OXSR1: variants seen among roughly 807,000 people sequenced by gnomAD.
OXSR1 encodes serine/threonine-protein kinase OSR1.
OXSR1 carries 24 observed loss-of-function variants against 79.8 expected under a neutral mutation model. That is an observed-to-expected ratio of 0.30 (90% CI 0.22 to 0.42). OXSR1 has a LOEUF of 0.42. Among genes scored for constraint, OXSR1 ranks in the 10% least tolerant of loss-of-function variants. OXSR1 has a pLI of 1.00. For synonymous variants in OXSR1, 226 were observed against 209.2 expected (o/e 1.08, Z -0.69); for missense variants, 430 against 618.4 (o/e 0.70, Z 3.23).
At chr3:38,225,628 C>T (rs1297031382) in intron 8 of OXSR1, among the ~76,000 whole-genome samples, 4 of 151,578 alleles carry the variant, frequency 2.6e-5, no homozygotes, top group South Asian at 2.1e-4. Context: ...TTTCTTTTAT[C>T]AAATTAGTTG....
chr3:38,175,779 G>A (rs1044814869), intron 1 of OXSR1, among the ~76,000 whole-genome samples: 2 of 152,222 alleles, frequency 1.3e-5, no homozygotes, highest in Admixed American at 6.5e-5. Context: ...ATTCTGCTGT[G>A]TGACGTAGGC....
At position 38,165,921 on chromosome 3, in the gene OXSR1, C is replaced by T. The variant is rs759376560; in HGVS notation, c.45C>T (p.Asp15=). The T allele has an allele frequency of 3.1e-6, 5 of 1,611,548 alleles. No homozygotes were observed. Among genetic ancestry groups the T allele is most frequent in the South Asian group, 2.2e-5 (2 of 90,924 alleles). ...CCCTGCCCTGGTCCATCAACAGGGA[C>T]GATTACGAGCTGCAGGAGGTGATCG... ...SSALPWSINR[D]DYELQEVIGS... The change falls in exon 1 of 18, where the codon GAC becomes GAT. Residue 15 remains aspartate (D), a synonymous_variant. Coordinates refer to ENST00000311806, the MANE Select transcript of OXSR1 (RefSeq NM_005109.3).
intron 8 of OXSR1, among the ~76,000 whole-genome samples, chr3:38,228,990 T>C (rs1702751307): frequency 6.6e-6 from 1 of 152,176 alleles, no homozygotes; most frequent in Admixed American, 6.5e-5. Context: ...CAGGATCAGG[T>C]AGGTGTGTGG....
chr3:38,204,779 G>C (rs1016778214), intron 4 of OXSR1, among the ~76,000 whole-genome samples: 4 of 151,828 alleles, frequency 2.6e-5, no homozygotes, highest in African/African-American at 4.8e-5. Flanking sequence ...TGCCTGGGGT[G>C]GGGGGAAGGG....
intron 11 of OXSR1, among the ~76,000 whole-genome samples, chr3:38,240,333 A>T (rs1380343288): frequency 6.6e-6 from 1 of 152,184 alleles, no homozygotes; most frequent in Non-Finnish European, 1.5e-5. Flanking sequence ...GATTCTCACT[A>T]TAGAAGAAGA....
At chr3:38,193,773 G>C (rs1251348100) in intron 3 of OXSR1, among the ~76,000 whole-genome samples, 1 of 151,912 alleles carries the variant, frequency 6.6e-6, no homozygotes, top group Non-Finnish European at 1.5e-5. Context: ...AATTTTTCTA[G>C]CCTAGCACTC....
intron 3 of OXSR1, among the ~76,000 whole-genome samples, chr3:38,192,307 C>T (rs757024626): frequency 6.6e-6 from 1 of 152,038 alleles, no homozygotes; most frequent in Non-Finnish European, 1.5e-5. Context: ...TCAAGATTCC[C>T]GAGGGTTATA....
chr3:38,173,595 A>C (rs1211772875), intron 1 of OXSR1, among the ~76,000 whole-genome samples: 2 of 152,254 alleles, frequency 1.3e-5, no homozygotes, highest in East Asian at 1.9e-4. Flanking sequence ...TGGCACACAG[A>C]ATGGATGCTC....
intron 1 of OXSR1, 32 bp downstream of exon 1, chr3:38,165,978 C>T (rs778973247): frequency 3.6e-5 from 57 of 1,588,174 alleles, no homozygotes; most frequent in Non-Finnish European, 4.8e-5. Context: ...GGGGGAGGCG[C>T]GGCGCTGGGA....
intron 12 of OXSR1, among the ~76,000 whole-genome samples, chr3:38,245,195 G>T (rs982655290): frequency 1.3e-5 from 2 of 151,956 alleles, no homozygotes; most frequent in African/African-American, 4.8e-5. Flanking sequence ...TATTCAGCCT[G>T]TACTATTACT....
At chr3:38,165,530 A>C (rs1559494894), upstream of OXSR1, 2 of 263,256 alleles carry the variant, frequency 7.6e-6, no homozygotes, top group Non-Finnish European at 1.5e-5. Context: ...GGAAGAGGGG[A>C]AAGTTTGGCC....
chr3:38,194,143 G>GT (rs1416492049), intron 3 of OXSR1, among the ~76,000 whole-genome samples: 1 of 152,160 alleles, frequency 6.6e-6, no homozygotes, highest in Non-Finnish European at 1.5e-5. Context: ...TCTTGCTCTT[G>GT]TGGGCTATGG....
rs1360821689 is a variant in OXSR1 at position 38,222,489 on chromosome 3, A to G, written c.600+802A>G. Among the ~76,000 whole-genome samples, 4 of 152,282 alleles carry G rather than the reference A, an allele frequency of 2.6e-5. No homozygotes were observed. In the East Asian group the frequency reaches 5.8e-4, roughly 22 times the overall value. ...TAGGAGACATTATCTGCAAGAGCAG[A>G]GTGGGGAGGGGAACTTCTGCTTAGG... On this transcript the variant is annotated intron_variant, in intron 6 of 17. Coordinates refer to ENST00000311806, the MANE Select transcript of OXSR1 (RefSeq NM_005109.3).
intron 2 of OXSR1, among the ~76,000 whole-genome samples, chr3:38,186,364 A>G (rs1212155328): frequency 6.6e-6 from 1 of 152,186 alleles, no homozygotes; most frequent in Admixed American, 6.5e-5. Flanking sequence ...TCTACCCTTT[A>G]AAAATATATA....
At chr3:38,192,662 T>A (rs1165514087) in intron 3 of OXSR1, among the ~76,000 whole-genome samples, 1 of 152,236 alleles carries the variant, frequency 6.6e-6, no homozygotes, top group Non-Finnish European at 1.5e-5. Flanking sequence ...TAAATATTGC[T>A]GATTGCAAAC....
chr3:38,177,751 A>AT (rs1294315911), intron 1 of OXSR1, among the ~76,000 whole-genome samples: 1 of 151,476 alleles, frequency 6.6e-6, no homozygotes, highest in Non-Finnish European at 1.5e-5. Flanking sequence ...TGCCTGGCTA[A>AT]TTTTTTTATT....
At chr3:38,200,160 G>T (rs1050225517) in intron 4 of OXSR1, among the ~76,000 whole-genome samples, 6 of 152,172 alleles carry the variant, frequency 3.9e-5, no homozygotes, top group Non-Finnish European at 8.8e-5. Context: ...GGCATGGTGG[G>T]CTCTCCTGCA....
chr3:38,196,520 A>G (rs1448727924), intron 3 of OXSR1, among the ~76,000 whole-genome samples: 1 of 152,336 alleles, frequency 6.6e-6, no homozygotes, highest in East Asian at 1.9e-4. Flanking sequence ...GAAACTGAAG[A>G]TAAATTGTTA....
At chr3:38,173,960 A>G (rs764393842) in intron 1 of OXSR1, among the ~76,000 whole-genome samples, 13 of 152,214 alleles carry the variant, frequency 8.5e-5, no homozygotes, top group Non-Finnish European at 1.6e-4. Flanking sequence ...AGTTGAGGAA[A>G]GACCTGAAGA....
Sources: gnomAD v4.1 joint callset for allele counts (sites outside exome capture counted in the v4.1 genomes callset) on GRCh38, gnomAD v4.1.1 for gene constraint, MANE v1.5 for transcripts, NCBI Gene and HGNC (gene_info 2026-07-23, HGNC 2026-07-21) for gene names.